AFG2A: variants seen among roughly 807,000 people sequenced by gnomAD.
AFG2A encodes AAA ATPase AFG2A.
the AFG2A span, among the ~76,000 whole-genome samples, chr4:123,267,004 A>T: frequency 6.6e-6 from 1 of 152,018 alleles, no homozygotes; most frequent in African/African-American, 2.4e-5. Flanking sequence ...AATGCTGAGG[A>T]CAGTAGCACC....
At chr4:123,238,784 A>G in the AFG2A span, among the ~76,000 whole-genome samples, 3 of 152,166 alleles carry the variant, frequency 2.0e-5, no homozygotes, top group Non-Finnish European at 4.4e-5. Context: ...TTCTCCTCCA[A>G]AGGATCACAG....
chr4:123,041,277 A>ATTTTTTTTTTT, the AFG2A span, among the ~76,000 whole-genome samples: 4 of 118,178 alleles, frequency 3.4e-5, no homozygotes, highest in Non-Finnish European at 5.1e-5. Flanking sequence ...CGCCCAGCTA[A>ATTTTTTTTTTT]TTTTTTTTTT....
At chr4:123,035,358 T>C in the AFG2A span, among the ~76,000 whole-genome samples, 3 of 152,172 alleles carry the variant, frequency 2.0e-5, no homozygotes, top group African/African-American at 7.2e-5. Flanking sequence ...TAATTTCCTT[T>C]AGAGTTTTGT....
chr4:122,938,205 A>G, the AFG2A span: 22 of 1,610,948 alleles, frequency 1.4e-5, no homozygotes, highest in South Asian at 2.3e-4. Flanking sequence ...AGTGGAAAAA[A>G]GAGTTGTGGC....
the AFG2A span, chr4:123,319,025 T>A: frequency 6.6e-6 from 1 of 152,206 alleles, no homozygotes; most frequent in Non-Finnish European, 1.5e-5. Context: ...AATAGTACAA[T>A]TTTTTCTTCT....
chr4:123,118,160 A>G, the AFG2A span, among the ~76,000 whole-genome samples: 1 of 151,160 alleles, frequency 6.6e-6, no homozygotes, highest in Non-Finnish European at 1.5e-5. Context: ...AAAGATATAC[A>G]TGCTCATTCC....
chr4:123,198,834 T>C, the AFG2A span, among the ~76,000 whole-genome samples: 8 of 152,178 alleles, frequency 5.3e-5, no homozygotes, highest in Admixed American at 3.9e-4. Flanking sequence ...AAGATTGTGG[T>C]GGGAAGAAAC....
At chr4:123,276,072 A>G in the AFG2A span, among the ~76,000 whole-genome samples, 5 of 152,338 alleles carry the variant, frequency 3.3e-5, no homozygotes, top group South Asian at 4.1e-4. Flanking sequence ...ACTGCTTTCT[A>G]CAATGGCTAA....
At chr4:123,019,232 A>G in the AFG2A span, among the ~76,000 whole-genome samples, 2 of 152,064 alleles carry the variant, frequency 1.3e-5, no homozygotes, top group African/African-American at 4.8e-5. Context: ...GTTGAAGTAA[A>G]TTACCCAAAG....
the AFG2A span, among the ~76,000 whole-genome samples, chr4:123,237,672 C>CAAAAAAAAAAAA: frequency 6.0e-5 from 4 of 66,652 alleles, no homozygotes; most frequent in African/African-American, 2.3e-4. Context: ...AACCTTGTCT[C>CAAAAAAAAAAAA]AAAAAAAAAA....
the AFG2A span, among the ~76,000 whole-genome samples, chr4:123,114,491 C>A: frequency 6.6e-6 from 1 of 152,210 alleles, no homozygotes; most frequent in Non-Finnish European, 1.5e-5. Flanking sequence ...CCAGAAGGGC[C>A]AAGGTGGCAG....
chr4:123,287,852 C>T, the AFG2A span, among the ~76,000 whole-genome samples: 2 of 151,910 alleles, frequency 1.3e-5, no homozygotes, highest in Admixed American at 6.6e-5. Context: ...AAAACCTTGC[C>T]GAGAAGGTGG....
At chr4:123,041,277 AT>A in the AFG2A span, among the ~76,000 whole-genome samples, 2,091 of 118,138 alleles carry the variant, frequency 0.018, 67 homozygotes, top group African/African-American at 0.059. Flanking sequence ...CGCCCAGCTA[AT>A]TTTTTTTTTT....
the AFG2A span, among the ~76,000 whole-genome samples, chr4:123,042,784 C>T: frequency 6.6e-6 from 1 of 152,074 alleles, no homozygotes; most frequent in African/African-American, 2.4e-5. Flanking sequence ...TAACACTGCA[C>T]CACTTTATTT....
the AFG2A span, among the ~76,000 whole-genome samples, chr4:122,959,572 T>C: frequency 6.6e-6 from 1 of 152,236 alleles, no homozygotes; most frequent in African/African-American, 2.4e-5. Flanking sequence ...CTGTACTTTT[T>C]AACAAAAGTT....
chr4:123,142,371 G>GT, the AFG2A span, among the ~76,000 whole-genome samples: 2 of 152,040 alleles, frequency 1.3e-5, no homozygotes, highest in African/African-American at 4.8e-5. Context: ...TTTTATTCAT[G>GT]GCCTAGTCTA....
At chr4:123,277,992 C>T in the AFG2A span, among the ~76,000 whole-genome samples, 777 of 152,142 alleles carry the variant, frequency 5.1e-3, 8 homozygotes, top group African/African-American at 0.018. Flanking sequence ...CCTCATAGAA[C>T]GAGTTGGAGA....
the AFG2A span, among the ~76,000 whole-genome samples, chr4:123,166,890 C>T: frequency 1.3e-5 from 2 of 152,034 alleles, no homozygotes; most frequent in African/African-American, 4.8e-5. Context: ...TGCCTGGCTC[C>T]CTGAACTTTT....
the AFG2A span, among the ~76,000 whole-genome samples, chr4:123,248,549 T>A: frequency 1.3e-5 from 2 of 152,202 alleles, no homozygotes; most frequent in Non-Finnish European, 2.9e-5. Context: ...TATACAGGAA[T>A]GTTCTGGGCC....
Sources: allele counts gnomAD v4.1 joint callset (sites outside exome capture counted in the v4.1 genomes callset), GRCh38; gene constraint gnomAD v4.1.1; transcripts MANE v1.5; gene names NCBI Gene and HGNC (gene_info 2026-07-23, HGNC 2026-07-21).